Variants in GSN observed in about 807,000 individuals in gnomAD.
GSN encodes the protein actin-depolymerizing factor.
GSN carries 56 observed loss-of-function variants against 85.7 expected under a neutral mutation model. That is an observed-to-expected ratio of 0.65 (90% CI 0.53 to 0.82). GSN has a LOEUF of 0.82. Among genes scored for constraint, GSN ranks in the 40% least tolerant of loss-of-function variants. The pLI, the probability that GSN is intolerant of heterozygous loss-of-function variation, is 0.00. For missense variants in GSN, 857 were observed against 979.8 expected, an observed-to-expected ratio of 0.87 and a Z score of 1.67; for synonymous variants, 373 against 399.1, an observed-to-expected ratio of 0.93 and a Z score of 0.78.
intron 5 of GSN, among the ~76,000 whole-genome samples, chr9:121,234,786 C>T (rs949362425): frequency 6.6e-6 from 1 of 152,230 alleles, no homozygotes; most frequent in African/African-American, 2.4e-5. Context: ...GAGTTAAAGT[C>T]TGCAGTGAGC....
chr9:121,280,989 A>G (rs2057295247), intron 1 of GSN: 1 of 154,456 alleles, frequency 6.5e-6, no homozygotes, highest in East Asian at 1.9e-4. Flanking sequence ...TGATTGTCTA[A>G]TTCTGGGTCT....
chr9:121,297,250 G>A (rs1038453515), intron 2 of GSN, among the ~76,000 whole-genome samples: 1 of 152,176 alleles, frequency 6.6e-6, no homozygotes, highest in African/African-American at 2.4e-5. Flanking sequence ...CAAATGCTAC[G>A]GCAATGCTTT....
intron 11 of GSN, among the ~76,000 whole-genome samples, chr9:121,323,661 T>A (rs2062786627): frequency 6.6e-6 from 1 of 152,230 alleles, no homozygotes; most frequent in African/African-American, 2.4e-5. Context: ...TGAGCCATCG[T>A]GCCCGGCCCC....
intron 4 of GSN, among the ~76,000 whole-genome samples, chr9:121,224,931 A>G (rs983045786): frequency 6.6e-6 from 1 of 151,890 alleles, no homozygotes; most frequent in African/African-American, 2.4e-5. Flanking sequence ...TGATCCTCCT[A>G]TCTGAGCCTC....
intron 2 of GSN, chr9:121,282,040 G>A (rs1431800771): frequency 2.9e-5 from 14 of 476,120 alleles, no homozygotes; most frequent in Non-Finnish European, 5.2e-5. Flanking sequence ...ATGGGGAAGC[G>A]GATGAGTCAT....
At chr9:121,311,641 A>G (rs1037050873) in intron 5 of GSN, 3 of 152,674 alleles carry the variant, frequency 2.0e-5, no homozygotes, top group African/African-American at 7.2e-5. Context: ...GGCAACCATC[A>G]TCCTGAACTT....
At chr9:121,313,911 C>T in intron 6 of GSN, 23 bp from the exon 7 acceptor site, 1 of 1,586,028 alleles carries the variant, frequency 6.3e-7, no homozygotes, top group Non-Finnish European at 8.7e-7. Context: ...CACCCTTCCT[C>T]TCCATCTCTC....
At position 121,226,906 on chromosome 9, in the gene GSN, A is replaced by T. The variant is rs140639534; in HGVS notation, c.-527-4259A>T. Among the ~76,000 whole-genome samples the T allele has an allele frequency of 1.2e-3, 186 of 152,330 alleles. 4 individuals carry two copies. In the East Asian group the frequency reaches 0.03, roughly 25 times the overall value. On this transcript the variant is annotated intron_variant, in intron 4 of 24. Coordinates refer to the GSN transcript ENST00000373823. ...GTTAATAATCGATCATGCCTACGTG[A>T]TGAAGGCTCTATAAATATCCCTGAA... is the stretch of plus-strand genomic sequence containing the variant.
chr9:121,209,863 T>G (rs1190225646), intron 2 of GSN, among the ~76,000 whole-genome samples: 1 of 152,174 alleles, frequency 6.6e-6, no homozygotes, highest in Non-Finnish European at 1.5e-5. Flanking sequence ...AAAGTTTTCT[T>G]TAGAGTAATA....
Position 121,251,187 on chromosome 9 carries a change from C to CTTTTTTTTTTTTTTTTTTTT in GSN, c.-341+2877_-341+2878insTTTTTTTTTTTTTTTTTTTT, listed in dbSNP as rs58231680. On this transcript the variant is annotated intron_variant, in intron 6 of 24. Transcript: ENST00000373823. ...ATAACATACCTACAGCTGATGTGTTCTTTTTTTTTTTTTGAGATGGATTCT... is the reference window on the plus strand; with the variant it reads ...ATAACATACCTACAGCTGATGTGTTCTTTTTTTTTTTTTTTTTTTTTTTTTTTTTTTTTGAGATGGATTCT... 2.2e-3 allele frequency among the ~76,000 whole-genome samples: 159 copies of CTTTTTTTTTTTTTTTTTTTT among 73,026 alleles called. 44 individuals carry two copies. The highest frequency in any genetic ancestry group is 0.016 in the Middle Eastern group (1 of 64). The allele number at this position is 73,026 out of a possible 152,430, so 47.9% of individuals were successfully genotyped here.
chr9:121,325,948 G>A (rs117365948), intron 12 of GSN, among the ~76,000 whole-genome samples: 122 of 152,054 alleles, frequency 8.0e-4, no homozygotes, highest in Non-Finnish European at 1.5e-3. Context: ...TACATGTGAG[G>A]TTTTCTTCTG....
intron 4 of GSN, among the ~76,000 whole-genome samples, chr9:121,214,159 C>A (rs966774631): frequency 3.3e-5 from 5 of 152,156 alleles, no homozygotes; most frequent in Non-Finnish European, 7.4e-5. Context: ...AATGCTAGTT[C>A]TTTTTTTCTC....
rs75892027 is a variant in GSN at position 121,212,506 on chromosome 9, G to A, written c.-528+1639G>A. ...AGGAGGCTTACAATACAGCCTTCAA[G>A]GTTGACTCTGGGCATTGCTTCAGTA... On this transcript the variant is annotated intron_variant, in intron 4 of 24. Transcript: ENST00000373823. Among the ~76,000 whole-genome samples, 700 of 152,306 alleles carry A rather than the reference G, an allele frequency of 4.6e-3. 5 individuals carry two copies. The highest frequency in any genetic ancestry group is 0.016 in the African/African-American group (653 of 41,552).
chr9:121,299,496 T>A lies in GSN; in HGVS notation c.-9-2467T>A, dbSNP rs1281030917. 1.0e-6 allele frequency: 1 copy of A among 983,834 alleles called. No homozygotes were observed. Among genetic ancestry groups the A allele is most frequent in the East Asian group, 1.1e-4 (1 of 8,804 alleles). 60.9% of individuals were successfully genotyped at this position (983,834 alleles called of 1,614,324 possible). A position where few individuals can be genotyped will look rare whatever the true frequency, so the allele number is the denominator to read the frequency against. On this transcript the variant is annotated intron_variant, in intron 2 of 17. Transcript: ENST00000432226. This position sits in a 1 kb window ranked among gnomAD's most constrained non-coding sequence, Gnocchi z 4.2. ...TGAAAAGCTTTCAAAAATTGTTAGT[T>A]CATGTTATTTTTTTGCTGGAGGTGT...
chr9:121,309,066 C>T (rs41273424), intron 4 of GSN: 13,562 of 152,248 alleles, frequency 0.089, 805 homozygotes, highest in Non-Finnish European at 0.12. Flanking sequence ...AGCAGGGAGA[C>T]GAGCACCCGA....
Position 121,279,121 on chromosome 9 carries a change from G to A in GSN, c.-102-2349G>A, listed in dbSNP as rs535417220. Reference sequence around the variant, plus strand: ...AGTAGAGTGTGACCGGGCAGATTAGGGGGTGTGGAGGTCTGTACGGAGACT... The same window carrying A: ...AGTAGAGTGTGACCGGGCAGATTAGAGGGTGTGGAGGTCTGTACGGAGACT... On this transcript the variant is annotated intron_variant, in intron 1 of 17. Coordinates refer to ENST00000432226, the MANE Select transcript of GSN (RefSeq NM_198252.3). 2.6e-5 allele frequency among the ~76,000 whole-genome samples: 4 copies of A among 152,184 alleles called. No individual in the cohort carries two copies. The South Asian group carries it at 8.3e-4, about 32-fold the overall frequency.
chr9:121,300,004 G>T lies in GSN; in HGVS notation c.-9-1959G>T, dbSNP rs771227467. Reference sequence around the variant, plus strand: ...CCCCAGGGGCGGGTGCCCGAGGCGCGGGTGAGTGCCCGGGGGGCCCCGGGG... The same window carrying T: ...CCCCAGGGGCGGGTGCCCGAGGCGCTGGTGAGTGCCCGGGGGGCCCCGGGG... On this transcript the variant is annotated intron_variant, in intron 2 of 17. Transcript: ENST00000432226. 1.4e-6 allele frequency: 2 copies of T among 1,459,602 alleles called. No homozygotes were observed. Among genetic ancestry groups the T allele is most frequent in the Non-Finnish European group, 9.1e-7 (1 of 1,096,150 alleles). 90.4% of individuals were successfully genotyped at this position (1,459,602 alleles called of 1,614,324 possible). A position where few individuals can be genotyped will look rare whatever the true frequency, so the allele number is the denominator to read the frequency against.
chr9:121,206,965 A>G (rs967586159), upstream of GSN, among the ~76,000 whole-genome samples: 1 of 152,212 alleles, frequency 6.6e-6, no homozygotes, highest in Non-Finnish European at 1.5e-5. Context: ...TGAGATCCAC[A>G]TGGAAACTGA....
At chr9:121,313,685 C>T (rs980526303) in intron 6 of GSN, 40 of 567,448 alleles carry the variant, frequency 7.0e-5, no homozygotes, top group African/African-American at 5.8e-4. Context: ...ATATCTGAAG[C>T]GCTGTCTGGA....
Sources: allele counts gnomAD v4.1 joint callset (sites outside exome capture counted in the v4.1 genomes callset), GRCh38; gene constraint gnomAD v4.1.1; non-coding constraint Gnocchi (gnomAD v3.1); transcripts MANE v1.5; gene names NCBI Gene and HGNC (gene_info 2026-07-23, HGNC 2026-07-21).